The following LRRC37A2 variants were observed in gnomAD, a reference collection of about 807,000 sequenced individuals.
LRRC37A2 encodes the protein leucine rich repeat containing 37 member A2.
In LRRC37A2, 9 loss-of-function variants were observed where a neutral mutation model predicts 68.8. That is an observed-to-expected ratio of 0.13 (90% confidence interval 0.08 to 0.23). The LOEUF is 0.23. Among genes scored for constraint, LRRC37A2 ranks in the 10% least tolerant of loss-of-function variants. The pLI, the probability that LRRC37A2 is intolerant of heterozygous loss-of-function variation, is 1.00. For synonymous variants in LRRC37A2, 63 were observed against 367.6 expected (o/e 0.17, Z 9.48); for missense variants, 168 against 950.4 (o/e 0.18, Z 10.82).
the LRRC37A2 span, among the ~76,000 whole-genome samples, chr17:46,787,823 G>A: frequency 1.3e-5 from 2 of 152,154 alleles, no homozygotes; most frequent in Non-Finnish European, 2.9e-5. Flanking sequence ...AGGCGTGGTG[G>A]TGGGCACCTG....
At chr17:46,898,873 A>G in the LRRC37A2 span, among the ~76,000 whole-genome samples, 1 of 152,182 alleles carries the variant, frequency 6.6e-6, no homozygotes, top group African/African-American at 2.4e-5. Flanking sequence ...AAAATGTTAA[A>G]CATAGCGTTA....
chr17:46,858,846 T>C, the LRRC37A2 span, among the ~76,000 whole-genome samples: 37 of 152,120 alleles, frequency 2.4e-4, no homozygotes, highest in Non-Finnish European at 4.7e-4. Flanking sequence ...TTTTATTTTT[T>C]TGTAGAGATG....
At chr17:46,768,178 A>T in the LRRC37A2 span, 1 of 1,310,100 alleles carries the variant, frequency 7.6e-7, no homozygotes, top group African/African-American at 1.5e-5. The surrounding 1 kb of genome is among the most constrained non-coding windows in gnomAD (Gnocchi z 5.0). Flanking sequence ...CTAGCTTCCT[A>T]TTTTGGCTGT....
chr17:46,777,554 C>T, the LRRC37A2 span, among the ~76,000 whole-genome samples: 122 of 152,392 alleles, frequency 8.0e-4, 1 homozygote, highest in African/African-American at 2.3e-3. Context: ...GCTGTGCAGA[C>T]GCAGTCTCTC....
chr17:46,940,920 G>C, the LRRC37A2 span: 1 of 1,325,184 alleles, frequency 7.5e-7, no homozygotes, highest in South Asian at 1.5e-5. Flanking sequence ...AGTGCCTGGT[G>C]AAAAATAGAC....
the LRRC37A2 span, among the ~76,000 whole-genome samples, chr17:46,866,930 C>T: frequency 2.6e-5 from 4 of 152,198 alleles, no homozygotes; most frequent in South Asian, 8.3e-4. Context: ...CTGGTCTTCC[C>T]CAAACAGCCT....
chr17:46,805,481 G>A, the LRRC37A2 span, among the ~76,000 whole-genome samples: 1 of 152,214 alleles, frequency 6.6e-6, no homozygotes, highest in African/African-American at 2.4e-5. Context: ...GCTGAGGCAG[G>A]AGAATCGCTT....
the LRRC37A2 span, among the ~76,000 whole-genome samples, chr17:46,995,463 C>T: frequency 6.6e-6 from 1 of 152,138 alleles, no homozygotes; most frequent in East Asian, 1.9e-4. Flanking sequence ...CTAGGCATGG[C>T]CATGTAACTC....
At chr17:46,935,393 C>T in the LRRC37A2 span, 7 of 1,436,190 alleles carry the variant, frequency 4.9e-6, no homozygotes, top group African/African-American at 4.3e-5. Context: ...GAAGTGGCCT[C>T]TCTTAGGATC....
At chr17:47,001,717 CTTTT>C in the LRRC37A2 span, among the ~76,000 whole-genome samples, 19 of 108,616 alleles carry the variant, frequency 1.7e-4, no homozygotes, top group Non-Finnish European at 2.8e-4. Flanking sequence ...CTCTTTTTTC[CTTTT>C]TTTTTTTTTT....
chr17:46,774,942 C>T, the LRRC37A2 span, among the ~76,000 whole-genome samples: 4 of 152,266 alleles, frequency 2.6e-5, no homozygotes, highest in African/African-American at 9.6e-5. Flanking sequence ...AAGAAGGGGC[C>T]CATCTCCTCT....
At chr17:46,727,619 G>A in the LRRC37A2 span, among the ~76,000 whole-genome samples, 2 of 152,208 alleles carry the variant, frequency 1.3e-5, no homozygotes, top group East Asian at 3.9e-4. Context: ...ATATCTGTGA[G>A]GTCTCCATAA....
the LRRC37A2 span, among the ~76,000 whole-genome samples, chr17:46,982,663 C>T: frequency 1.3e-5 from 2 of 152,194 alleles, no homozygotes; most frequent in Non-Finnish European, 2.9e-5. Flanking sequence ...TCATTATCCC[C>T]GTCCCCCTCT....
the LRRC37A2 span, among the ~76,000 whole-genome samples, chr17:46,789,977 G>T: frequency 6.6e-6 from 1 of 152,248 alleles, no homozygotes; most frequent in South Asian, 2.1e-4. Context: ...GCTGAGGATG[G>T]GCAGGTGAAG....
the LRRC37A2 span, among the ~76,000 whole-genome samples, chr17:46,786,256 GGAA>G: frequency 4.6e-5 from 7 of 152,114 alleles, no homozygotes; most frequent in Admixed American, 1.3e-4. Context: ...AGTCAAGGGT[GGAA>G]GAAGGAGGAG....
At chr17:46,746,105 T>C in the LRRC37A2 span, among the ~76,000 whole-genome samples, 2 of 152,242 alleles carry the variant, frequency 1.3e-5, no homozygotes, top group Non-Finnish European at 2.9e-5. Context: ...ACTATAATTA[T>C]CTATTTTGCA....
the LRRC37A2 span, among the ~76,000 whole-genome samples, chr17:46,715,739 AT>A: frequency 4.6e-5 from 7 of 152,340 alleles, no homozygotes; most frequent in South Asian, 1.4e-3. Context: ...ATATGTGCTG[AT>A]TTTAGAGGCT....
the LRRC37A2 span, among the ~76,000 whole-genome samples, chr17:46,728,106 G>T: frequency 6.6e-6 from 1 of 152,138 alleles, no homozygotes; most frequent in African/African-American, 2.4e-5. Flanking sequence ...TCTAAGCCCA[G>T]GGCAGAGGTG....
intron 8 of LRRC37A2, among the ~76,000 whole-genome samples, chr17:46,541,210 T>C (rs1478750110): frequency 6.7e-6 from 1 of 148,774 alleles, no homozygotes; most frequent in Admixed American, 6.6e-5. Context: ...TGAAATCATA[T>C]AGCACATAGC....
Sources: gnomAD v4.1 joint callset for allele counts (sites outside exome capture counted in the v4.1 genomes callset) on GRCh38, gnomAD v4.1.1 for gene constraint, Gnocchi (gnomAD v3.1) non-coding constraint, MANE v1.5 for transcripts, NCBI Gene and HGNC (gene_info 2026-07-23, HGNC 2026-07-21) for gene names.